The following MECOM variants were observed in gnomAD, a reference collection of about 807,000 sequenced individuals.
MECOM encodes the protein histone-lysine N-methyltransferase MECOM.
Under a neutral mutation model 116.3 loss-of-function variants are expected in MECOM, and 13 were observed. The ratio of observed to expected loss-of-function variants is 0.11; its 90% CI spans 0.07 to 0.18. The LOEUF is 0.18. Among genes scored for constraint, MECOM ranks in the 10% least tolerant of loss-of-function variants. MECOM has a pLI of 1.00. For synonymous variants in MECOM, 528 were observed against 535.2 expected, an observed-to-expected ratio of 0.99 and a Z score of 0.19; for missense variants, 1,299 against 1,509.0, an observed-to-expected ratio of 0.86 and a Z score of 2.31.
At chr3:169,640,585 A>G (rs1268866083) in intron 1 of MECOM, among the ~76,000 whole-genome samples, 1 of 152,202 alleles carries the variant, frequency 6.6e-6, no homozygotes, top group Non-Finnish European at 1.5e-5. Context: ...TAGCAGCTTT[A>G]CAGAGGTCAT....
intron 2 of MECOM, among the ~76,000 whole-genome samples, chr3:169,211,982 G>C (rs1750784640): frequency 6.6e-6 from 1 of 152,062 alleles, no homozygotes; most frequent in African/African-American, 2.4e-5. Context: ...CCTGCCATCT[G>C]TTTTCCCATG....
intron 2 of MECOM, among the ~76,000 whole-genome samples, chr3:169,353,779 T>C (rs1203760924): frequency 6.6e-6 from 1 of 151,922 alleles, no homozygotes; most frequent in African/African-American, 2.4e-5. Flanking sequence ...CAAAGCTTCA[T>C]ATATAACAAT....
chr3:169,476,874 C>T (rs1750479554), intron 1 of MECOM: 1 of 150,034 alleles, frequency 6.7e-6, no homozygotes, highest in African/African-American at 2.5e-5. Flanking sequence ...TTTTTCTCCC[C>T]TAACCTCACA....
intron 2 of MECOM, among the ~76,000 whole-genome samples, chr3:169,261,225 TC>T (rs1757493382): frequency 6.6e-6 from 1 of 152,218 alleles, no homozygotes; most frequent in African/African-American, 2.4e-5. Flanking sequence ...AATATTTTTT[TC>T]TTTATTAATA....
In MECOM at chr3:169,663,475, TC is replaced by T; in HGVS notation, c.-104del. The T allele has an allele frequency of 5.1e-4, 3 of 5,826 alleles. No individual in the cohort carries two copies. The highest frequency in any genetic ancestry group is 1.1e-3 in the Non-Finnish European group (3 of 2,770). The allele number at this position is 5,826 out of a possible 1,614,324, so 0.4% of individuals were successfully genotyped here. A position where few individuals can be genotyped will look rare whatever the true frequency, so the allele number is the denominator to read the frequency against. On this transcript the variant is annotated 5_prime_UTR_variant, in exon 1 of 17. Transcript: ENST00000651503. Reference sequence around the variant, plus strand: ...TCTCGCTCCCTCCCTCTCTCTCCTGTCTCTCTCTCTCTCTCTCTCTCTCTCT... The same window carrying T: ...TCTCGCTCCCTCCCTCTCTCTCCTGTTCTCTCTCTCTCTCTCTCTCTCTCT...
chr3:169,362,655 G>A (rs968178926), intron 2 of MECOM, among the ~76,000 whole-genome samples: 3 of 151,960 alleles, frequency 2.0e-5, no homozygotes, highest in Non-Finnish European at 2.9e-5. Flanking sequence ...GGCTGCCCAA[G>A]AGAAAGAACA....
intron 2 of MECOM, among the ~76,000 whole-genome samples, chr3:169,349,338 C>T (rs940094749): frequency 2.0e-5 from 3 of 151,858 alleles, no homozygotes; most frequent in Admixed American, 6.6e-5. Flanking sequence ...CAGGACGATA[C>T]TATTACAAAC....
At chr3:169,550,825 T>TC (rs1228912924) in intron 1 of MECOM, among the ~76,000 whole-genome samples, 1 of 119,350 alleles carries the variant, frequency 8.4e-6, no homozygotes, top group Non-Finnish European at 1.8e-5. Flanking sequence ...CTTTCCTTTT[T>TC]TTTTTTTTTT....
At chr3:169,321,525 A>G (rs1720855530) in intron 2 of MECOM, among the ~76,000 whole-genome samples, 1 of 151,666 alleles carries the variant, frequency 6.6e-6, no homozygotes, top group Non-Finnish European at 1.5e-5. Context: ...TGGGTGACAG[A>G]GCGAGACTCC....
chr3:169,639,183 T>C (rs1434254502), intron 1 of MECOM, among the ~76,000 whole-genome samples: 1 of 152,170 alleles, frequency 6.6e-6, no homozygotes, highest in Non-Finnish European at 1.5e-5. Flanking sequence ...TTACCTGTTA[T>C]AGCACCTAGC....
intron 2 of MECOM, among the ~76,000 whole-genome samples, chr3:169,185,588 A>G (rs779108508): frequency 1.3e-5 from 2 of 152,170 alleles, no homozygotes; most frequent in Admixed American, 6.5e-5. Context: ...TCCTGCAGAT[A>G]TGGTACTTAT....
chr3:169,147,762 G>C (rs910683632), intron 2 of MECOM: 2 of 979,682 alleles, frequency 2.0e-6, no homozygotes, highest in Non-Finnish European at 1.2e-6. Flanking sequence ...GCATGTGTGT[G>C]TGTGAGAGAG....
chr3:169,161,239 C>T (rs1742797498), intron 2 of MECOM, among the ~76,000 whole-genome samples: 1 of 152,152 alleles, frequency 6.6e-6, no homozygotes, highest in African/African-American at 2.4e-5. Context: ...GGGAACTGAA[C>T]CATGCATGGA....
chr3:169,104,258 G>A (rs532442718), intron 10 of MECOM, among the ~76,000 whole-genome samples: 1 of 152,234 alleles, frequency 6.6e-6, no homozygotes, highest in Admixed American at 6.5e-5. Flanking sequence ...TGCAGAATAT[G>A]GTCATTATTC....
intron 1 of MECOM, among the ~76,000 whole-genome samples, chr3:169,541,486 C>T (rs756856913): frequency 6.6e-6 from 1 of 152,238 alleles, no homozygotes; most frequent in Admixed American, 6.5e-5. Context: ...GATTCACTAG[C>T]CTTGCTTGTT....
intron 2 of MECOM, among the ~76,000 whole-genome samples, chr3:169,152,809 G>A (rs1334736298): frequency 1.3e-5 from 2 of 152,118 alleles, no homozygotes; most frequent in African/African-American, 4.8e-5. Context: ...TCACCTAGCT[G>A]ATCTTTCTCC....
chr3:169,226,215 C>A, intron 2 of MECOM, among the ~76,000 whole-genome samples: 1 of 152,130 alleles, frequency 6.6e-6, no homozygotes, highest in Non-Finnish European at 1.5e-5. Context: ...TTATGGGTAA[C>A]CCTGGATGCA....
At chr3:169,623,895 T>G (rs57294569) in intron 1 of MECOM, 12,981 of 152,214 alleles carry the variant, frequency 0.085, 649 homozygotes, top group African/African-American at 0.12. Flanking sequence ...CCTTAACATA[T>G]TTCCCACCTC....
chr3:169,571,926 A>T (rs1417772405), intron 1 of MECOM, among the ~76,000 whole-genome samples: 1 of 152,224 alleles, frequency 6.6e-6, no homozygotes, highest in Non-Finnish European at 1.5e-5. Flanking sequence ...GGACATAGGC[A>T]TGGTCAAAGA....
Sources: gnomAD v4.1 joint callset for allele counts (sites outside exome capture counted in the v4.1 genomes callset) on GRCh38, gnomAD v4.1.1 for gene constraint, MANE v1.5 for transcripts, NCBI Gene and HGNC (gene_info 2026-07-23, HGNC 2026-07-21) for gene names.